NUMBL: variants seen among roughly 807,000 people sequenced by gnomAD.
NUMBL encodes numb-like protein.
In NUMBL, 20 loss-of-function variants were observed where a neutral mutation model predicts 48.9. That is an observed-to-expected ratio of 0.41 (90% CI 0.29 to 0.59). The LOEUF (loss-of-function observed/expected upper bound fraction) is 0.59, where lower values mean the gene tolerates loss of function less well. Ranked by LOEUF, NUMBL falls within the 20% of genes least tolerant of loss-of-function variation. The pLI, the probability that NUMBL is intolerant of heterozygous loss-of-function variation, is 0.31. For missense variants in NUMBL, 660 were observed against 846.2 expected (o/e 0.78, Z 2.73); for synonymous variants, 340 against 348.7 (o/e 0.98, Z 0.28).
chr19:40,670,078 G>A (rs563751122), intron 8 of NUMBL, 58 bp from the exon 9 acceptor site: 15 of 1,577,320 alleles, frequency 9.5e-6, no homozygotes, highest in African/African-American at 9.5e-5. Context: ...CCGCAGCCCC[G>A]CCCTCTACCC....
chr19:40,671,848 C>T (rs2081849942), intron 8 of NUMBL, among the ~76,000 whole-genome samples: 1 of 152,102 alleles, frequency 6.6e-6, no homozygotes, highest in South Asian at 2.1e-4. Flanking sequence ...TAGCGTGCCA[C>T]CTCTATCTTC....
chr19:40,684,226 G>A (rs1342446051), intron 3 of NUMBL, 191 bp downstream of exon 3: 11 of 599,516 alleles, frequency 1.8e-5, no homozygotes, highest in East Asian at 3.4e-5. Context: ...CCGCCACCAC[G>A]CGAGGCTAAT....
intron 6 of NUMBL, 116 bp downstream of exon 6, chr19:40,680,801 G>A (rs2081901073): frequency 1.7e-6 from 2 of 1,169,110 alleles, no homozygotes; most frequent in East Asian, 2.4e-5. Flanking sequence ...TTCTCCAGAT[G>A]AGGAAACTGG....
rs2081826165 is a variant in NUMBL at position 40,668,127 on chromosome 19, A to T, written c.1171T>A (p.Trp391Arg). 1.3e-6 allele frequency: 2 copies of T among 1,599,168 alleles called. No homozygotes were observed. The highest frequency in any genetic ancestry group is 1.3e-5 in the African/African-American group (1 of 74,698). Reference sequence around the variant, plus strand: ...GCAGGGGGCACGGAGGGCTCACCCCAGGCAGAAGTCCCTGGAGAGAGGAGA... The same window carrying T: ...GCAGGGGGCACGGAGGGCTCACCCCTGGCAGAAGTCCCTGGAGAGAGGAGA... Reference protein sequence around the residue: ...PPPATTGTSAWGEPSVPPAAA... With the variant: ...PPPATTGTSARGEPSVPPAAA... Residue 391 changes from tryptophan (W) to arginine (R), a missense_variant, in exon 10 of 10, where the codon TGG becomes AGG. Trp to Arg is a moderately radical substitution (Grantham distance 101). Around this residue, in one of 3 missense-constraint regions of NUMBL, gnomAD observed 296 missense variants for 339.7 expected, o/e 0.87. Coordinates refer to ENST00000252891, the MANE Select transcript of NUMBL (RefSeq NM_004756.5).
chr19:40,684,387 G>A lies in NUMBL; in HGVS notation c.249+30C>T, dbSNP rs753176747. 4.6e-6 allele frequency: 7 copies of A among 1,535,708 alleles called. No homozygotes were observed. In the Admixed American group the frequency reaches 5.9e-5, roughly 13 times the overall value. On this transcript the variant is annotated intron_variant, in intron 3 of 9. Coordinates refer to ENST00000252891, the MANE Select transcript of NUMBL (RefSeq NM_004756.5). Reference sequence around the variant, plus strand: ...CAGCACAGCGGCCCCCGTCCCCCTCGCCCCGCCGCACCCTGCCGCGCCCAC... The same window carrying A: ...CAGCACAGCGGCCCCCGTCCCCCTCACCCCGCCGCACCCTGCCGCGCCCAC...
Position 40,667,720 on chromosome 19 carries a change from G to C in NUMBL, c.1578C>G (p.Leu526=), listed in dbSNP as rs1173872195. 5.7e-6 allele frequency: 9 copies of C among 1,574,988 alleles called. No homozygotes were observed. Among genetic ancestry groups the C allele is most frequent in the Non-Finnish European group, 7.8e-6 (9 of 1,160,984 alleles). ...CAAGCAGAGTGGCAGGCTGAGGCTG[G>C]AGCTGGGCGGCTGAGCAGAAGGCGT... The part of the protein sequence containing the change: ...VANAFCSAAQ[L]QPQPATLLGK... The change falls in exon 10 of 10, where the codon CTC becomes CTG. Residue 526 remains leucine (L), a synonymous_variant. Transcript: ENST00000252891. The surrounding 1 kb of genome is among the most constrained non-coding windows in gnomAD (Gnocchi z 6.1).
chr19:40,667,197 G>A lies in NUMBL; in HGVS notation c.*271C>T, dbSNP rs2081813918. The A allele has an allele frequency of 2.1e-6, 1 of 475,688 alleles. No individual in the cohort carries two copies. Among genetic ancestry groups the A allele is most frequent in the Non-Finnish European group, 3.8e-6 (1 of 261,428 alleles). The allele number at this position is 475,688 out of a possible 1,614,324, so 29.5% of individuals were successfully genotyped here. ...CAGTGGGATTGTGGCCAACCCCTGT[G>A]TCTGGGGTTGGGGAAGGGGGCATTG... On this transcript the variant is annotated 3_prime_UTR_variant, in exon 10 of 10. Coordinates refer to ENST00000252891, the MANE Select transcript of NUMBL (RefSeq NM_004756.5). This position sits in a 1 kb window ranked among gnomAD's most constrained non-coding sequence, Gnocchi z 6.1.
chr19:40,673,353 TCAC>T lies in NUMBL; in HGVS notation c.1024_1026del (p.Val342del). On this transcript the variant is annotated inframe_deletion, in exon 8 of 10. Transcript: ENST00000252891. This position sits in a 1 kb window ranked among gnomAD's most constrained non-coding sequence, Gnocchi z 5.9. The stretch of plus-strand genomic sequence containing the variant: ...TGGGCCCAGGGCTCACCTGTGCCCT[TCAC>T]CTGGAAGTCAGTGCGGCGCTGCAGC... 6.2e-7 allele frequency: 1 copy of T among 1,611,114 alleles called. No homozygotes were observed. The highest frequency in any genetic ancestry group is 8.5e-7 in the Non-Finnish European group (1 of 1,177,762).
rs1401116524 is a variant in NUMBL at position 40,669,981 on chromosome 19, C to T, written c.1076G>A (p.Ser359Asn). Residue 359 changes from serine to asparagine, a missense_variant, in exon 9 of 10, where the codon AGC (serine) becomes AAC (asparagine). By Grantham distance (46) the Ser-to-Asn change is conservative. Around this residue, in one of 3 missense-constraint regions of NUMBL, gnomAD observed 296 missense variants for 339.7 expected, o/e 0.87. Coordinates refer to ENST00000252891, the MANE Select transcript of NUMBL (RefSeq NM_004756.5). ...GATCTGTGTGCACAGAGCGTTGATG[C>T]TGTCACTGTCGCCGGCACCAGGAGG... is the stretch of plus-strand genomic sequence containing the variant. ...MEPPGAGDSD[S>N]INALCTQISS... The T allele has an allele frequency of 1.9e-6, 3 of 1,613,974 alleles. No individual in the cohort carries two copies. Among genetic ancestry groups the T allele is most frequent in the Non-Finnish European group, 1.7e-6 (2 of 1,179,944 alleles).
In NUMBL at chr19:40,667,648, C is replaced by T. The variant is rs1255932673; in HGVS notation, c.1650G>A (p.Gly550=). The change falls in exon 10 of 10, where the codon GGG becomes GGA. Residue 550 remains glycine (G), a synonymous_variant. Coordinates refer to ENST00000252891, the MANE Select transcript of NUMBL (RefSeq NM_004756.5). This position sits in a 1 kb window ranked among gnomAD's most constrained non-coding sequence, Gnocchi z 6.1. ...CATTGGGGCGAGGGCGGGCCTGGCTCCCAGGGGCACTGGGTATGGCAGGGG... is the reference window on the plus strand; with the variant it reads ...CATTGGGGCGAGGGCGGGCCTGGCTTCCAGGGGCACTGGGTATGGCAGGGG... The part of the protein sequence containing the change: ...FPPPAIPSAP[G]SQARPRPNGA... 5 of 1,560,520 alleles carry T rather than the reference C, an allele frequency of 3.2e-6. No individual in the cohort carries two copies. Among genetic ancestry groups the T allele is most frequent in the Non-Finnish European group, 4.3e-6 (5 of 1,152,384 alleles).
At position 40,673,689 on chromosome 19, in the gene NUMBL, A is replaced by C. The variant is rs575979631; in HGVS notation, c.731-40T>G. On this transcript the variant is annotated intron_variant, in intron 7 of 9. Transcript: ENST00000252891. This position sits in a 1 kb window ranked among gnomAD's most constrained non-coding sequence, Gnocchi z 5.9. ...GAGATGGATGGTTAGATATCTCACC[A>C]TGGCATGCAAGGCCTCTCCCACCTG... 6.9e-7 allele frequency: 1 copy of C among 1,441,420 alleles called. No individual in the cohort carries two copies. The highest frequency in any genetic ancestry group is 1.4e-5 in the South Asian group (1 of 69,096). 89.3% of individuals were successfully genotyped at this position (1,441,420 alleles called of 1,614,324 possible).
Position 40,667,728 on chromosome 19 carries a change from C to A in NUMBL, c.1570G>T (p.Ala524Ser). The change falls in exon 10 of 10, where the codon GCC becomes TCC. Residue 524 changes from alanine to serine, a missense_variant. Ala to Ser is a moderately conservative substitution (Grantham distance 99). Coordinates refer to ENST00000252891, the MANE Select transcript of NUMBL (RefSeq NM_004756.5). This position sits in a 1 kb window ranked among gnomAD's most constrained non-coding sequence, Gnocchi z 6.1. Reference sequence around the variant, plus strand: ...GTGGCAGGCTGAGGCTGGAGCTGGGCGGCTGAGCAGAAGGCGTTTGCCACC... The same window carrying A: ...GTGGCAGGCTGAGGCTGGAGCTGGGAGGCTGAGCAGAAGGCGTTTGCCACC... Reference protein sequence around the residue: ...QMVANAFCSAAQLQPQPATLL... With the variant: ...QMVANAFCSASQLQPQPATLL... 6.3e-7 allele frequency: 1 copy of A among 1,575,206 alleles called. No individual in the cohort carries two copies. Among genetic ancestry groups the A allele is most frequent in the Non-Finnish European group, 8.6e-7 (1 of 1,161,262 alleles).
Position 40,682,119 on chromosome 19 carries a change from G to C in NUMBL, c.399+609C>G, listed in dbSNP as rs932964318. Reference sequence around the variant, plus strand: ...CATATGCTTTCTCACTTAATGGTAGGGTCTATTATAATCCCTGTTTTTCTG... The same window carrying C: ...CATATGCTTTCTCACTTAATGGTAGCGTCTATTATAATCCCTGTTTTTCTG... On this transcript the variant is annotated intron_variant, in intron 5 of 9. Coordinates refer to ENST00000252891, the MANE Select transcript of NUMBL (RefSeq NM_004756.5). This position sits in a 1 kb window ranked among gnomAD's most constrained non-coding sequence, Gnocchi z 4.0. Among the ~76,000 whole-genome samples the C allele has an allele frequency of 6.6e-6, 1 of 152,034 alleles. No homozygotes were observed. Among genetic ancestry groups the C allele is most frequent in the East Asian group, 1.9e-4 (1 of 5,164 alleles).
At position 40,671,847 on chromosome 19, in the gene NUMBL, A is replaced by T. The variant is rs149961253; in HGVS notation, c.1036+1497T>A. 1.9e-3 allele frequency among the ~76,000 whole-genome samples: 292 copies of T among 150,882 alleles called. 2 individuals are homozygous for T. The highest frequency in any genetic ancestry group is 7.0e-3 in the African/African-American group (286 of 41,148). On this transcript the variant is annotated intron_variant, in intron 8 of 9. Coordinates refer to ENST00000252891, the MANE Select transcript of NUMBL (RefSeq NM_004756.5). ...TCAGGCAAAAACTCAGTAGCGTGCC[A>T]CCTCTATCTTCCTTCCCTATGGCAG...
chr19:40,681,142 C>A, intron 5 of NUMBL, 85 bp from the exon 6 acceptor site: 1 of 1,483,194 alleles, frequency 6.7e-7, no homozygotes, highest in East Asian at 2.3e-5. Flanking sequence ...CTGCTGAAAT[C>A]CAGTCCTGAA....
intron 9 of NUMBL, among the ~76,000 whole-genome samples, chr19:40,668,494 A>C (rs2081828875): frequency 6.6e-6 from 1 of 152,080 alleles, no homozygotes; most frequent in African/African-American, 2.4e-5. Context: ...TCGTTTTGAG[A>C]GTCTCACTCT....
intron 9 of NUMBL, among the ~76,000 whole-genome samples, chr19:40,669,620 TC>T (rs2081835593): frequency 6.6e-6 from 1 of 151,926 alleles, no homozygotes; most frequent in South Asian, 2.1e-4. Flanking sequence ...ATTGCATGAT[TC>T]TCAGGTAATC....
At position 40,690,535 on chromosome 19, in the gene NUMBL, C is replaced by G; in HGVS notation, c.-52G>C. Reference sequence around the variant, plus strand: ...GCGGCCCTGGCTGGGCCTGGCTCCCCGACTGCTGCTGCTGCGGTGGTGGCG... The same window carrying G: ...GCGGCCCTGGCTGGGCCTGGCTCCCGGACTGCTGCTGCTGCGGTGGTGGCG... On this transcript the variant is annotated 5_prime_UTR_variant, in exon 1 of 10. Transcript: ENST00000252891. The G allele has an allele frequency of 8.7e-7, 1 of 1,153,162 alleles. No individual in the cohort carries two copies. The allele number at this position is 1,153,162 out of a possible 1,614,324, so 71.4% of individuals were successfully genotyped here.
At chr19:40,674,516 G>C (rs570346054) in intron 7 of NUMBL, among the ~76,000 whole-genome samples, 2 of 152,088 alleles carry the variant, frequency 1.3e-5, no homozygotes, top group Non-Finnish European at 2.9e-5. Flanking sequence ...CCTCCTACCA[G>C]GGCCTCCCCG....
Sources: allele counts gnomAD v4.1 joint callset (sites outside exome capture counted in the v4.1 genomes callset), GRCh38; gene constraint gnomAD v4.1.1; regional missense constraint gnomAD v4.1.1; non-coding constraint Gnocchi (gnomAD v3.1); transcripts MANE v1.5; gene names NCBI Gene and HGNC (gene_info 2026-07-23, HGNC 2026-07-21).